The following SCFD2 variants were observed in gnomAD, a reference collection of about 807,000 sequenced individuals.
SCFD2 encodes the protein sec1 family domain-containing protein 2.
Under a neutral mutation model 58.9 loss-of-function variants are expected in SCFD2, and 54 were observed. That is an observed-to-expected ratio of 0.92 (90% CI 0.74 to 1.15). The LOEUF (loss-of-function observed/expected upper bound fraction) is 1.15. Ranked by LOEUF, SCFD2 falls within the 50% of genes most tolerant of loss-of-function variation. The pLI is 0.00. For synonymous variants in SCFD2, 321 were observed against 335.9 expected, an observed-to-expected ratio of 0.96 and a Z score of 0.49; for missense variants, 805 against 836.6, an observed-to-expected ratio of 0.96 and a Z score of 0.47.
intron 5 of SCFD2, among the ~76,000 whole-genome samples, chr4:52,961,826 G>A (rs1031746189): frequency 3.9e-5 from 6 of 152,168 alleles, no homozygotes; most frequent in Non-Finnish European, 7.3e-5. Flanking sequence ...GATGGTAATA[G>A]CTGGTGACAG....
chr4:53,232,688 G>A (rs1476524856), intron 4 of SCFD2, among the ~76,000 whole-genome samples: 2 of 152,186 alleles, frequency 1.3e-5, no homozygotes, highest in Admixed American at 6.5e-5. Flanking sequence ...AAGAAAGAAA[G>A]AGCTGAGGAA....
chr4:53,030,976 T>C (rs775502778), intron 5 of SCFD2, among the ~76,000 whole-genome samples: 1 of 152,152 alleles, frequency 6.6e-6, no homozygotes, highest in Non-Finnish European at 1.5e-5. Context: ...TTGACACACA[T>C]AACAAATGCA....
intron 5 of SCFD2, among the ~76,000 whole-genome samples, chr4:53,142,620 C>A (rs1406808447): frequency 6.6e-6 from 1 of 152,210 alleles, no homozygotes; most frequent in Non-Finnish European, 1.5e-5. Flanking sequence ...ACTGGGATAT[C>A]CTTTCCTATT....
chr4:52,885,015 G>C (rs1718701354), intron 8 of SCFD2, among the ~76,000 whole-genome samples: 1 of 152,314 alleles, frequency 6.6e-6, no homozygotes, highest in South Asian at 2.1e-4. Context: ...ATTAGTCAAA[G>C]GCAGAGGCAG....
intron 4 of SCFD2, among the ~76,000 whole-genome samples, chr4:53,161,737 G>A (rs919264130): frequency 1.3e-4 from 20 of 152,244 alleles, no homozygotes; most frequent in African/African-American, 4.6e-4. Flanking sequence ...ACACCACAGG[G>A]AATTGAGAAC....
chr4:53,251,962 C>A (rs1259029413), intron 4 of SCFD2, among the ~76,000 whole-genome samples: 2 of 152,148 alleles, frequency 1.3e-5, no homozygotes, highest in East Asian at 3.8e-4. Context: ...TTGCAGACGA[C>A]ATGAATGTAT....
At chr4:53,016,884 G>A (rs761915160) in intron 5 of SCFD2, among the ~76,000 whole-genome samples, 18 of 152,226 alleles carry the variant, frequency 1.2e-4, no homozygotes, top group Middle Eastern at 3.4e-3. Flanking sequence ...CAAGGCAGGC[G>A]GATCACAAGG....
rs1194917725 is a variant in SCFD2 at position 52,985,380 on chromosome 4, C to A, written c.1562-64510G>T. On this transcript the variant is annotated intron_variant, in intron 5 of 8. Transcript: ENST00000401642. ...TTATTTCATTTGGCACCATGCTTAG[C>A]TCCTTATTTATTAATTAGCATTATG... Among the ~76,000 whole-genome samples, 5 of 152,272 alleles carry A rather than the reference C, an allele frequency of 3.3e-5. No homozygotes were observed. In the East Asian group the frequency reaches 5.8e-4, roughly 18 times the overall value.
At chr4:53,053,061 C>T (rs566978159) in intron 5 of SCFD2, among the ~76,000 whole-genome samples, 2 of 152,086 alleles carry the variant, frequency 1.3e-5, no homozygotes, top group Non-Finnish European at 2.9e-5. Flanking sequence ...CCTGTCTCCA[C>T]TAAAAATACA....
intron 5 of SCFD2, among the ~76,000 whole-genome samples, chr4:52,972,687 T>C (rs969388165): frequency 6.6e-6 from 1 of 152,000 alleles, no homozygotes; most frequent in African/African-American, 2.4e-5. Flanking sequence ...CCTACAGAAC[T>C]CTCCACCCCA....
intron 5 of SCFD2, among the ~76,000 whole-genome samples, chr4:53,077,391 T>C (rs566941221): frequency 9.8e-5 from 15 of 152,306 alleles, no homozygotes; most frequent in Non-Finnish European, 1.6e-4. Context: ...TCATCTTTAC[T>C]GTATTAAAAA....
chr4:53,201,400 A>G (rs1480540406), intron 4 of SCFD2, among the ~76,000 whole-genome samples: 1 of 152,168 alleles, frequency 6.6e-6, no homozygotes, highest in Non-Finnish European at 1.5e-5. Flanking sequence ...TATATGTGCC[A>G]CATTTTCTTA....
At chr4:53,250,508 A>T (rs1217703757) in intron 4 of SCFD2, among the ~76,000 whole-genome samples, 1 of 152,208 alleles carries the variant, frequency 6.6e-6, no homozygotes, top group Non-Finnish European at 1.5e-5. Context: ...AGCTCTCCTC[A>T]GCAAATGTAA....
At chr4:52,986,255 T>TA (rs1721491123) in intron 5 of SCFD2, among the ~76,000 whole-genome samples, 1 of 151,856 alleles carries the variant, frequency 6.6e-6, no homozygotes, top group African/African-American at 2.4e-5. Context: ...TCATCGAGTA[T>TA]ATGTAAGATT....
intron 4 of SCFD2, among the ~76,000 whole-genome samples, chr4:53,153,702 A>G (rs1327834090): frequency 6.6e-6 from 1 of 152,120 alleles, no homozygotes; most frequent in Non-Finnish European, 1.5e-5. Flanking sequence ...TGCTCTTTCC[A>G]TCTCTACTAC....
intron 4 of SCFD2, among the ~76,000 whole-genome samples, chr4:53,269,094 AG>A (rs1731082029): frequency 6.6e-6 from 1 of 152,034 alleles, no homozygotes; most frequent in South Asian, 2.1e-4. Context: ...CCAAGGCGGG[AG>A]GATCACTTGA....
At chr4:53,332,076 A>C (rs1733495527) in intron 2 of SCFD2, among the ~76,000 whole-genome samples, 1 of 152,170 alleles carries the variant, frequency 6.6e-6, no homozygotes, top group African/African-American at 2.4e-5. Flanking sequence ...ATAGACCAAT[A>C]ACCGGAGCTG....
At chr4:53,004,210 AATAGCT>A (rs1721922644) in intron 5 of SCFD2, among the ~76,000 whole-genome samples, 1 of 152,200 alleles carries the variant, frequency 6.6e-6, no homozygotes, top group African/African-American at 2.4e-5. Context: ...CCTGATTCAG[AATAGCT>A]GTAGTCTAGA....
At chr4:53,104,329 T>C (rs1028458989) in intron 5 of SCFD2, among the ~76,000 whole-genome samples, 3 of 152,152 alleles carry the variant, frequency 2.0e-5, no homozygotes, top group African/African-American at 7.2e-5. Flanking sequence ...ATCACCAATC[T>C]AATAATGAGA....
Sources: allele counts gnomAD v4.1 joint callset (sites outside exome capture counted in the v4.1 genomes callset), GRCh38; gene constraint gnomAD v4.1.1; transcripts MANE v1.5; gene names NCBI Gene and HGNC (gene_info 2026-07-23, HGNC 2026-07-21).